The following PTH2R variants were observed in gnomAD, a reference collection of about 807,000 sequenced individuals.
PTH2R encodes parathyroid hormone 2 receptor, also known as PTH2 receptor.
In PTH2R, 59 loss-of-function variants were observed where a neutral mutation model predicts 60.3. The observed-to-expected ratio is 0.98, with a 90% confidence interval of 0.79 to 1.22. The LOEUF is 1.22. PTH2R is among the 50% of genes most tolerant of loss of function. The probability of loss-of-function intolerance (pLI) is 0.00; values close to 1 mark genes in which losing one functional copy is unlikely to be tolerated. For missense variants in PTH2R, 749 were observed against 682.6 expected, an observed-to-expected ratio of 1.10 and a Z score of -1.08; for synonymous variants, 256 against 243.8, an observed-to-expected ratio of 1.05 and a Z score of -0.47.
In PTH2R at chr2:208,366,229, T is replaced by TTATATATTTAAATACTA. The variant is rs565838379; in HGVS notation, c.-259+5992_-259+5993insTATATATTTAAATACTA. ...CCAACTCAATTTCCTTACTAGTTAT[T>TTATATATTTAAATACTA]GGTCTATTTATATCTTCTATTTCTT... is the stretch of plus-strand genomic sequence containing the variant. On this transcript the variant is annotated intron_variant, in intron 1 of 12. Transcript: ENST00000617735. Among the ~76,000 whole-genome samples, 71 of 151,864 alleles carry TTATATATTTAAATACTA rather than the reference T, an allele frequency of 4.7e-4. 1 individual carries two copies. The South Asian group carries it at 0.013, about 28-fold the overall frequency.
chr2:208,383,740 G>A (rs1230153671), intron 1 of PTH2R, among the ~76,000 whole-genome samples: 1 of 152,210 alleles, frequency 6.6e-6, no homozygotes, highest in East Asian at 1.9e-4. Context: ...GCATGGGTGT[G>A]AGGGCTGGCA....
intron 10 of PTH2R, among the ~76,000 whole-genome samples, chr2:208,485,901 C>A (rs4675769): frequency 0.58 from 88,725 of 151,970 alleles, 28,028 homozygotes; most frequent in Non-Finnish European, 0.69. Context: ...GAGCTTGGAG[C>A]GAGATTCTCC....
At chr2:208,412,209 C>T (rs1040562089) in intron 1 of PTH2R, among the ~76,000 whole-genome samples, 2 of 152,204 alleles carry the variant, frequency 1.3e-5, no homozygotes, top group African/African-American at 4.8e-5. Context: ...TTCCTCATTG[C>T]TTTTGCTCAA....
intron 2 of PTH2R, among the ~76,000 whole-genome samples, chr2:208,430,658 T>C (rs1471099508): frequency 6.6e-6 from 1 of 151,878 alleles, no homozygotes; most frequent in Non-Finnish European, 1.5e-5. Context: ...ACCATTCTCC[T>C]GCCTCAGCCT....
chr2:208,490,602 G>T (rs972794975), intron 11 of PTH2R, 37 bp from the exon 12 acceptor site: 4 of 1,592,866 alleles, frequency 2.5e-6, no homozygotes, highest in Non-Finnish European at 2.6e-6. Flanking sequence ...GTGAGTTTCT[G>T]AGTTGGCAGT....
intron 10 of PTH2R, among the ~76,000 whole-genome samples, chr2:208,487,297 C>T (rs1703294636): frequency 6.6e-6 from 1 of 152,088 alleles, no homozygotes; most frequent in Non-Finnish European, 1.5e-5. Flanking sequence ...TCTCTGTAGC[C>T]TTAGTCTAGT....
intron 12 of PTH2R, among the ~76,000 whole-genome samples, chr2:208,492,858 G>T (rs1008599783): frequency 1.3e-5 from 2 of 152,126 alleles, no homozygotes; most frequent in Non-Finnish European, 2.9e-5. Context: ...GTTTGGGCAG[G>T]TCTCAGTGCA....
intron 9 of PTH2R, among the ~76,000 whole-genome samples, chr2:208,468,818 G>A (rs1443799860): frequency 6.6e-6 from 1 of 152,082 alleles, no homozygotes; most frequent in Non-Finnish European, 1.5e-5. Flanking sequence ...CAAGGTTTAT[G>A]TAAACAAGAA....
intron 9 of PTH2R, chr2:208,469,761 T>C (rs1702839372): frequency 6.6e-6 from 1 of 152,214 alleles, no homozygotes; most frequent in African/African-American, 2.4e-5. Context: ...TTGATGTTGA[T>C]TTGAGGATGA....
intron 9 of PTH2R, among the ~76,000 whole-genome samples, chr2:208,463,558 A>G (rs1420291458): frequency 1.3e-5 from 2 of 152,196 alleles, no homozygotes; most frequent in African/African-American, 4.8e-5. Context: ...GATGGGAATA[A>G]TAGTGTAGAT....
chr2:208,443,387 A>C lies in PTH2R; in HGVS notation c.549A>C (p.Leu183Phe). ...HCTRNYIHMH[L>F]FVSFMLRATS... is the part of the protein sequence containing the mutation. The stretch of plus-strand genomic sequence containing the variant: ...CTAGGAACTATATCCACATGCACTT[A>C]TTTGTGTCTTTCATGCTGAGAGCTA... The change falls in exon 6 of 13, where the codon TTA (leucine) becomes TTC (phenylalanine). Residue 183 changes from leucine (L) to phenylalanine (F), a missense_variant. Physicochemically the swap from Leu to Phe is conservative, Grantham distance 22. Coordinates refer to ENST00000272847, the MANE Select transcript of PTH2R (RefSeq NM_005048.4). The C allele has an allele frequency of 6.2e-7, 1 of 1,609,388 alleles. No individual in the cohort carries two copies. Among genetic ancestry groups the C allele is most frequent in the Non-Finnish European group, 8.5e-7 (1 of 1,178,390 alleles).
At position 208,377,466 on chromosome 2, in the gene PTH2R, C is replaced by A. The variant is rs527247969; in HGVS notation, c.-259+17229C>A. On this transcript the variant is annotated intron_variant, in intron 1 of 12. Coordinates refer to the PTH2R transcript ENST00000617735. The stretch of plus-strand genomic sequence containing the variant: ...GGGGCGGCCGGGCAGAGGTGCCCCC[C>A]ACCTCCCGGATGGGGCGGCGGCTGG... Among the ~76,000 whole-genome samples, 309 of 151,024 alleles carry A rather than the reference C, an allele frequency of 2.0e-3. 7 individuals carry two copies. Among genetic ancestry groups the A allele is most frequent in the African/African-American group, 7.2e-3 (294 of 41,104 alleles).
At chr2:208,388,694 G>A (rs1365140868) in intron 1 of PTH2R, among the ~76,000 whole-genome samples, 1 of 152,166 alleles carries the variant, frequency 6.6e-6, no homozygotes, top group Admixed American at 6.5e-5. Context: ...TCACTGTAAG[G>A]TTGAGTGGAA....
intron 9 of PTH2R, among the ~76,000 whole-genome samples, chr2:208,476,241 G>C (rs767414069): frequency 1.3e-5 from 2 of 152,100 alleles, no homozygotes; most frequent in Non-Finnish European, 2.9e-5. Flanking sequence ...GAGAGGTGCA[G>C]TCACCAAAAA....
chr2:208,479,231 T>TG (rs1188934779), intron 9 of PTH2R, among the ~76,000 whole-genome samples: 1 of 150,806 alleles, frequency 6.6e-6, no homozygotes, highest in Non-Finnish European at 1.5e-5. Context: ...TTTCTGGGGG[T>TG]GGGGGGTGCA....
At chr2:208,490,842 G>A (rs1192635151) in intron 12 of PTH2R, among the ~76,000 whole-genome samples, 162 bp downstream of exon 12, 1 of 152,198 alleles carries the variant, frequency 6.6e-6, no homozygotes, top group Non-Finnish European at 1.5e-5. Context: ...AAGAATTAGT[G>A]CAAATAACCT....
At chr2:208,408,796 G>C (rs774124027) in intron 1 of PTH2R, among the ~76,000 whole-genome samples, 9 of 149,910 alleles carry the variant, frequency 6.0e-5, no homozygotes, top group Non-Finnish European at 1.2e-4. Flanking sequence ...CCATGGGATT[G>C]TGGGCAGAAT....
At chr2:208,393,875 G>C (rs908892264) in intron 1 of PTH2R, among the ~76,000 whole-genome samples, 1 of 152,168 alleles carries the variant, frequency 6.6e-6, no homozygotes, top group African/African-American at 2.4e-5. Flanking sequence ...GAAGGGGGGA[G>C]AGTAGGATAT....
intron 9 of PTH2R, among the ~76,000 whole-genome samples, chr2:208,464,032 A>T (rs984866157): frequency 6.6e-6 from 1 of 152,262 alleles, no homozygotes; most frequent in Admixed American, 6.5e-5. Context: ...TCTTGTTGGT[A>T]GGAGTAGAGC....
Sources: gnomAD v4.1 joint callset for allele counts (sites outside exome capture counted in the v4.1 genomes callset) on GRCh38, gnomAD v4.1.1 for gene constraint, MANE v1.5 for transcripts, NCBI Gene and HGNC (gene_info 2026-07-23, HGNC 2026-07-21) for gene names.